Variants in DNMT3A observed in about 807,000 individuals in gnomAD.
DNMT3A encodes the protein DNA (cytosine-5)-methyltransferase 3A.
In DNMT3A, 267 loss-of-function variants were observed where a neutral mutation model predicts 117.6. That is an observed-to-expected ratio of 2.27 (90% CI 2.05 to 2.51). The LOEUF (loss-of-function observed/expected upper bound fraction) is 2.51, where lower values mean the gene tolerates loss of function less well. DNMT3A is among the 30% of genes most tolerant of loss of function. DNMT3A has a pLI of 0.00. For synonymous variants in DNMT3A, 432 were observed against 474.8 expected (o/e 0.91, Z 1.17); for missense variants, 1,029 against 1,260.2 (o/e 0.82, Z 2.78).
chr2:25,246,091 G>A, intron 11 of DNMT3A, 27 bp from the exon 12 acceptor site: 1 of 1,614,098 alleles, frequency 6.2e-7, no homozygotes, highest in East Asian at 2.2e-5. Flanking sequence ...GCTGGCGTCA[G>A]AGGAGGCCGC....
rs370104850 is a variant in DNMT3A at position 25,249,798 on chromosome 2, G to A, written c.640-1546C>T. 9.7e-5 allele frequency: 149 copies of A among 1,541,598 alleles called. No individual in the cohort carries two copies. The East Asian group carries it at 2.2e-3, about 23-fold the overall frequency. ...CCTTTTACTGAATCTAGGAAACACG[G>A]CCCTCTGACTTCAAGGCTTTGCACC... On this transcript the variant is annotated intron_variant, in intron 6 of 22. Coordinates refer to ENST00000321117, the MANE Select transcript of DNMT3A (RefSeq NM_022552.5).
rs1169342794 is a variant in DNMT3A, at chr2:25,311,919, C to G, written c.72+1994G>C. Among the ~76,000 whole-genome samples the G allele has an allele frequency of 6.6e-6, 1 of 152,180 alleles. No homozygotes were observed. Among genetic ancestry groups the G allele is most frequent in the Non-Finnish European group, 1.5e-5 (1 of 68,022 alleles). ...GTCCTGAGCTATTATAATGCAGATC[C>G]TGACCTGCTCCCGTCCATTGGTGGT... On this transcript the variant is annotated intron_variant, in intron 2 of 22. Coordinates refer to ENST00000321117, the MANE Select transcript of DNMT3A (RefSeq NM_022552.5). This position sits in a 1 kb window ranked among gnomAD's most constrained non-coding sequence, Gnocchi z 5.2.
intron 2 of DNMT3A, among the ~76,000 whole-genome samples, chr2:25,302,094 C>T (rs1558724262): frequency 6.6e-6 from 1 of 152,234 alleles, no homozygotes; most frequent in East Asian, 1.9e-4. Flanking sequence ...TTCTGGGAGG[C>T]CTCCAAAGAC....
chr2:25,272,889 C>G (rs1315817027), intron 6 of DNMT3A, among the ~76,000 whole-genome samples: 2 of 151,254 alleles, frequency 1.3e-5, no homozygotes, highest in African/African-American at 4.9e-5. Context: ...GCAACCTCCA[C>G]CTGTCGGGTT....
chr2:25,244,534 C>G lies in DNMT3A; in HGVS notation c.1667+6G>C. 1 of 1,614,078 alleles carries G rather than the reference C, an allele frequency of 6.2e-7. No homozygotes were observed. The highest frequency in any genetic ancestry group is 8.5e-7 in the Non-Finnish European group (1 of 1,179,956). On this transcript the variant is annotated splice_donor_region_variant and intron_variant, in intron 14 of 22. Coordinates refer to ENST00000321117, the MANE Select transcript of DNMT3A (RefSeq NM_022552.5). ...AGGAGACCACTGGAGGCCACAACAG[C>G]CTCACCTGCAGCAGTTGTTGTTTCC...
rs750837407 is a variant in DNMT3A at position 25,246,760 on chromosome 2, G to A, written c.1139C>T (p.Ala380Val). Residue 380 changes from alanine (A) to valine (V), a missense_variant, in exon 10 of 23, where the codon GCG becomes GTG. Ala to Val is a moderately conservative substitution (Grantham distance 64). Coordinates refer to ENST00000321117, the MANE Select transcript of DNMT3A (RefSeq NM_022552.5). ...YEVLQVASSR[A>V]GKLFPVCHDS... ...GTGGCACACCGGGAACAGCTTCCCC[G>A]CGCGGCTGCTGGCCACCTGGAGGGT... 12 of 1,613,588 alleles carry A rather than the reference G, an allele frequency of 7.4e-6. No individual in the cohort carries two copies. Among genetic ancestry groups the A allele is most frequent in the Admixed American group, 3.3e-5 (2 of 60,018 alleles).
At chr2:25,289,718 G>A (rs1403901908) in intron 3 of DNMT3A, among the ~76,000 whole-genome samples, 8 of 152,298 alleles carry the variant, frequency 5.3e-5, no homozygotes, top group East Asian at 3.9e-4. Flanking sequence ...AAGAAAGGCC[G>A]GGCAGAGGCT....
At chr2:25,241,891 A>G in intron 16 of DNMT3A, 184 bp from the exon 17 acceptor site, 2 of 733,364 alleles carry the variant, frequency 2.7e-6, no homozygotes, top group Non-Finnish European at 4.2e-6. Context: ...AAGGACATCG[A>G]GGCTCTGTCT....
Position 25,247,432 on chromosome 2 carries a change from AATT to A in DNMT3A, c.1014+156_1014+158del. 1 of 1,172,406 alleles carries A rather than the reference AATT, an allele frequency of 8.5e-7. No individual in the cohort carries two copies. Among genetic ancestry groups the A allele is most frequent in the East Asian group, 2.5e-5 (1 of 39,762 alleles). The allele number at this position is 1,172,406 out of a possible 1,614,324, so 72.6% of individuals were successfully genotyped here. On this transcript the variant is annotated intron_variant, in intron 8 of 22. Transcript: ENST00000321117. The surrounding 1 kb of genome is among the most constrained non-coding windows in gnomAD (Gnocchi z 5.6). ...GCTCTCTGAGCCACAGGTGCAACCT[AATT>A]ATCCCTACAGCTTCTTCCACCCACC...
rs1175186554 is a variant in DNMT3A at position 25,264,132 on chromosome 2, GTTTT to G, written c.639+10805_639+10808del. On this transcript the variant is annotated intron_variant, in intron 6 of 22. Transcript: ENST00000321117. ...TCAGTAAAGGCTGGACAACCCTTTG[GTTTT>G]TTTTTTTTTTTTTTTTTTTTTGAGA... Among the ~76,000 whole-genome samples, 105 of 73,750 alleles carry G rather than the reference GTTTT, an allele frequency of 1.4e-3. 1 individual carries two copies. The highest frequency in any genetic ancestry group is 5.5e-3 in the African/African-American group (99 of 18,116). 48.4% of individuals were successfully genotyped at this position (73,750 alleles called of 152,430 possible).
chr2:25,260,309 A>T (rs1229464675), intron 6 of DNMT3A, among the ~76,000 whole-genome samples: 2 of 152,162 alleles, frequency 1.3e-5, no homozygotes, highest in Non-Finnish European at 2.9e-5. Context: ...CTGGCTAGAA[A>T]ATCAAACCTA....
rs995732596 is a variant in DNMT3A, at chr2:25,294,878, C to T, written c.177+5261G>A. On this transcript the variant is annotated intron_variant, in intron 3 of 22. Coordinates refer to ENST00000321117, the MANE Select transcript of DNMT3A (RefSeq NM_022552.5). This position sits in a 1 kb window ranked among gnomAD's most constrained non-coding sequence, Gnocchi z 4.7. ...GCTGAGCTCAGCACCAGCGCCCAGC[C>T]CCCTCCTCCTCCTCCCTCCCATTCT... Among the ~76,000 whole-genome samples, 9 of 152,170 alleles carry T rather than the reference C, an allele frequency of 5.9e-5. No homozygotes were observed. Among genetic ancestry groups the T allele is most frequent in the Admixed American group, 2.0e-4 (3 of 15,284 alleles).
intron 1 of DNMT3A, among the ~76,000 whole-genome samples, chr2:25,319,452 A>C (rs2034510629): frequency 1.3e-5 from 2 of 152,308 alleles, no homozygotes; most frequent in Admixed American, 6.5e-5. Context: ...GCTGGGCCCT[A>C]GTAAAGACAT....
chr2:25,235,758 G>A lies in DNMT3A; in HGVS notation c.2546C>T (p.Pro849Leu). ...SIKQGKDQHF[P>L]VFMNEKEDIL... ...GTCCTCTTTCTCATTCATGAAGACA[G>A]GAAAATGCTGGTCTTTGCCCTGCTT... Residue 849 changes from proline (P) to leucine (L), a missense_variant, in exon 22 of 23, where the codon CCT (proline) becomes CTT (leucine). Pro to Leu is a moderately conservative substitution (Grantham distance 98). Coordinates refer to ENST00000321117, the MANE Select transcript of DNMT3A (RefSeq NM_022552.5). 2.5e-6 allele frequency: 4 copies of A among 1,614,214 alleles called. No homozygotes were observed. Among genetic ancestry groups the A allele is most frequent in the Non-Finnish European group, 3.4e-6 (4 of 1,180,026 alleles).
intron 3 of DNMT3A, among the ~76,000 whole-genome samples, chr2:25,284,261 C>T (rs1424274506): frequency 6.6e-6 from 1 of 152,222 alleles, no homozygotes; most frequent in Non-Finnish European, 1.5e-5. Context: ...CCCCACCTGT[C>T]AGGTGGAGAT....
intron 3 of DNMT3A, among the ~76,000 whole-genome samples, chr2:25,297,519 T>G (rs1381804353): frequency 2.7e-5 from 4 of 149,880 alleles, no homozygotes; most frequent in Non-Finnish European, 5.9e-5. Flanking sequence ...TTTTTTTTTT[T>G]TTTTTTTTTG....
At position 25,228,117 on chromosome 2, in the gene DNMT3A, G is replaced by A. The variant is rs908468034; in HGVS notation, c.*6162C>T. On this transcript the variant is annotated 3_prime_UTR_variant, in exon 23 of 23. Transcript: ENST00000321117. The stretch of plus-strand genomic sequence containing the variant: ...GGCGGGTGGGGCAGGGACCCCTCGG[G>A]CCCCCACTCGCCCTTCCCTGAATGT... 2 of 147,902 alleles carry A rather than the reference G, an allele frequency of 1.4e-5. No individual in the cohort carries two copies. The highest frequency in any genetic ancestry group is 2.5e-5 in the African/African-American group (1 of 40,170). The allele number at this position is 147,902 out of a possible 1,614,324, so 9.2% of individuals were successfully genotyped here. A position where few individuals can be genotyped will look rare whatever the true frequency, so the allele number is the denominator to read the frequency against.
chr2:25,278,583 T>C (rs1220116513), intron 4 of DNMT3A, among the ~76,000 whole-genome samples: 4 of 152,238 alleles, frequency 2.6e-5, no homozygotes, highest in African/African-American at 9.6e-5. Context: ...CTCAGCACTT[T>C]GGAAGGCCAA....
intron 6 of DNMT3A, among the ~76,000 whole-genome samples, chr2:25,266,295 C>T (rs182178802): frequency 5.3e-5 from 8 of 152,294 alleles, no homozygotes; most frequent in East Asian, 1.9e-4. Context: ...TTTGAGGCCA[C>T]GCTGCAAAAG....
Sources: allele counts gnomAD v4.1 joint callset (sites outside exome capture counted in the v4.1 genomes callset), GRCh38; gene constraint gnomAD v4.1.1; non-coding constraint Gnocchi (gnomAD v3.1); transcripts MANE v1.5; gene names NCBI Gene and HGNC (gene_info 2026-07-23, HGNC 2026-07-21).